Variants in CALN1 observed in about 807,000 individuals in gnomAD.
CALN1 encodes the protein calneuron 1, also known as calcium-binding protein 8.
In CALN1, 17 loss-of-function variants were observed where a neutral mutation model predicts 30.6. That is an observed-to-expected ratio of 0.56 (90% CI 0.38 to 0.83). The LOEUF is 0.83. Among genes scored for constraint, CALN1 ranks in the 40% least tolerant of loss-of-function variants. The pLI is 0.00. For missense variants in CALN1, 291 were observed against 354.9 expected (o/e 0.82, Z 1.45); for synonymous variants, 156 against 131.4 (o/e 1.19, Z -1.28).
At chr7:72,224,636 C>T (rs1793537966) in intron 3 of CALN1, among the ~76,000 whole-genome samples, 1 of 151,874 alleles carries the variant, frequency 6.6e-6, no homozygotes, top group South Asian at 2.1e-4. Flanking sequence ...ACAAAATTAG[C>T]TGGGAGTGGT....
chr7:72,297,576 T>C (rs1798954042), intron 2 of CALN1, among the ~76,000 whole-genome samples: 1 of 152,232 alleles, frequency 6.6e-6, no homozygotes, highest in South Asian at 2.1e-4. Context: ...GATTTAATAT[T>C]ATTCACACTT....
chr7:71,789,211 G>A (rs1793170029), intron 6 of CALN1, among the ~76,000 whole-genome samples: 1 of 152,044 alleles, frequency 6.6e-6, no homozygotes, highest in African/African-American at 2.4e-5. Flanking sequence ...GAGGTCAGGA[G>A]TTTGAGACCA....
At chr7:72,340,785 T>C (rs1275725036) in intron 2 of CALN1, among the ~76,000 whole-genome samples, 2 of 152,162 alleles carry the variant, frequency 1.3e-5, no homozygotes, top group African/African-American at 2.4e-5. Flanking sequence ...AATTGAACCA[T>C]GGGGGCGGTT....
intron 5 of CALN1, among the ~76,000 whole-genome samples, chr7:71,863,584 GAAGA>G (rs1404089838): frequency 5.6e-4 from 55 of 97,942 alleles, no homozygotes; most frequent in African/African-American, 1.9e-3. Flanking sequence ...AAAAAAAAAA[GAAGA>G]AAGAAAGAAA....
chr7:72,024,153 G>T (rs1800897365), intron 4 of CALN1, among the ~76,000 whole-genome samples: 1 of 152,126 alleles, frequency 6.6e-6, no homozygotes, highest in South Asian at 2.1e-4. Flanking sequence ...TATACATGTA[G>T]TCATCAAGCC....
chr7:71,811,406 G>T (rs1374813425), intron 5 of CALN1, among the ~76,000 whole-genome samples: 1 of 151,220 alleles, frequency 6.6e-6, no homozygotes, highest in Non-Finnish European at 1.5e-5. Flanking sequence ...ACAAGGTCTT[G>T]CTATGTTTCC....
rs904963745 is a variant in CALN1, at chr7:72,039,834, G to A, written c.389-16065C>T. On this transcript the variant is annotated intron_variant, in intron 4 of 6. Coordinates refer to ENST00000395275, the MANE Select transcript of CALN1 (RefSeq NM_031468.4). ...TGGGGCAACATTAGCACTCTAGGAG[G>A]TCCTGAAGACCCCCCCAAGCAGGCT... is the stretch of plus-strand genomic sequence containing the variant. Among the ~76,000 whole-genome samples the A allele has an allele frequency of 5.9e-5, 9 of 152,076 alleles. No homozygotes were observed. The East Asian group carries it at 7.7e-4, about 13-fold the overall frequency.
chr7:72,449,651 T>A (rs1182733173), upstream of CALN1, among the ~76,000 whole-genome samples: 2 of 151,898 alleles, frequency 1.3e-5, no homozygotes, highest in Non-Finnish European at 2.9e-5. Flanking sequence ...GGTGGGAGGA[T>A]CACGAGGTCA....
chr7:72,391,082 T>A (rs929204725), intron 2 of CALN1, among the ~76,000 whole-genome samples: 1 of 152,224 alleles, frequency 6.6e-6, no homozygotes, highest in African/African-American at 2.4e-5. Flanking sequence ...TATATACATA[T>A]GCTGTGTGTT....
At chr7:72,332,557 G>C (rs557332855) in intron 2 of CALN1, among the ~76,000 whole-genome samples, 8 of 152,046 alleles carry the variant, frequency 5.3e-5, no homozygotes, top group African/African-American at 1.9e-4. Context: ...AATAATAATA[G>C]AAAAGGTTGG....
chr7:72,356,415 T>G (rs1263890573), intron 2 of CALN1, among the ~76,000 whole-genome samples: 2 of 151,962 alleles, frequency 1.3e-5, no homozygotes. Flanking sequence ...AGAGTTAAAG[T>G]GTTCTAAGGT....
chr7:72,465,986 T>C, the CALN1 span, among the ~76,000 whole-genome samples: 1 of 150,766 alleles, frequency 6.6e-6, no homozygotes, highest in African/African-American at 2.4e-5. Context: ...CAAATCAGAG[T>C]AGAACAAAGA....
intron 5 of CALN1, among the ~76,000 whole-genome samples, chr7:71,926,977 A>G (rs1208601312): frequency 1.3e-5 from 2 of 152,030 alleles, no homozygotes; most frequent in African/African-American, 4.8e-5. Flanking sequence ...GTCATCTTTG[A>G]GTCTGGTTCT....
At chr7:71,803,042 GA>G (rs1301018760) in intron 6 of CALN1, among the ~76,000 whole-genome samples, 4 of 151,510 alleles carry the variant, frequency 2.6e-5, no homozygotes, top group East Asian at 3.9e-4. Flanking sequence ...AAAAGAAAAA[GA>G]AAAAAAAGTA....
chr7:71,935,294 A>G (rs1002736450), intron 5 of CALN1, among the ~76,000 whole-genome samples: 4 of 152,334 alleles, frequency 2.6e-5, no homozygotes, highest in African/African-American at 9.6e-5. Flanking sequence ...GACAGCAAGC[A>G]GGGTGCAGGA....
chr7:72,218,719 T>C (rs1295728431), intron 3 of CALN1, among the ~76,000 whole-genome samples: 1 of 152,180 alleles, frequency 6.6e-6, no homozygotes, highest in Non-Finnish European at 1.5e-5. Context: ...ATGGGAACCC[T>C]GGGAGAGTAG....
At chr7:71,982,787 A>T (rs1308755878) in intron 5 of CALN1, among the ~76,000 whole-genome samples, 1 of 152,190 alleles carries the variant, frequency 6.6e-6, no homozygotes, top group Non-Finnish European at 1.5e-5. Context: ...TCCTTTTCTA[A>T]CAAACAGCAG....
At chr7:72,097,800 G>A (rs1373897077) in intron 4 of CALN1, among the ~76,000 whole-genome samples, 1 of 151,898 alleles carries the variant, frequency 6.6e-6, no homozygotes, top group Non-Finnish European at 1.5e-5. Flanking sequence ...CGCAACCTCT[G>A]ACTCCCAGGT....
chr7:72,319,829 C>G (rs1800747336), intron 2 of CALN1, among the ~76,000 whole-genome samples: 1 of 151,758 alleles, frequency 6.6e-6, no homozygotes, highest in African/African-American at 2.4e-5. Context: ...AGAGTGGAAA[C>G]ATAGACAATG....
Sources: gnomAD v4.1 joint callset for allele counts (sites outside exome capture counted in the v4.1 genomes callset) on GRCh38, gnomAD v4.1.1 for gene constraint, MANE v1.5 for transcripts, NCBI Gene and HGNC (gene_info 2026-07-23, HGNC 2026-07-21) for gene names.